Variants in RPUSD3 observed in about 807,000 individuals in gnomAD.
RPUSD3 encodes the protein mitochondrial mRNA pseudouridine synthase RPUSD3.
Under a neutral mutation model 35.1 loss-of-function variants are expected in RPUSD3, and 36 were observed. The observed-to-expected ratio is 1.02, with a 90% CI of 0.79 to 1.35. The LOEUF is 1.35. RPUSD3 is among the 40% of genes most tolerant of loss of function. RPUSD3 has a pLI of 0.00. For missense variants in RPUSD3, 486 were observed against 441.9 expected (o/e 1.10, Z -0.89); for synonymous variants, 202 against 187.8 (o/e 1.08, Z -0.62).
At chr3:9,843,906 A>G in exon 1 of RPUSD3, 1 of 1,605,850 alleles carries the variant, frequency 6.2e-7, no homozygotes, top group South Asian at 1.1e-5. Context: ...TCGGTGCCAA[A>G]GCCTGCGTCC....
At chr3:9,838,087 C>G in exon 9 of RPUSD3, 1 of 1,612,168 alleles carries the variant, frequency 6.2e-7, no homozygotes, top group Non-Finnish European at 8.5e-7. Context: ...AGGAGCTCAA[C>G]AGGGGTGTCC....
chr3:9,838,955 A>G (rs770667950), intron 8 of RPUSD3, 77 bp downstream of exon 8: 14 of 1,603,988 alleles, frequency 8.7e-6, no homozygotes, highest in Non-Finnish European at 1.2e-5. Flanking sequence ...AGCTGCACAG[A>G]TAAGGTCTGG....
chr3:9,841,863 A>G, intron 4 of RPUSD3, 120 bp downstream of exon 4: 1 of 810,688 alleles, frequency 1.2e-6, no homozygotes, highest in African/African-American at 1.7e-5. Context: ...CAGTACTTGT[A>G]TCCACCTCTA....
At chr3:9,840,777 T>G in exon 5 of RPUSD3, 1 of 1,614,086 alleles carries the variant, frequency 6.2e-7, no homozygotes, top group Admixed American at 1.7e-5. Flanking sequence ...TGGGGACAGC[T>G]GGAGAGGAGT....
chr3:9,838,952 C>CA (rs1299260490), intron 8 of RPUSD3, 80 bp downstream of exon 8: 2 of 1,600,566 alleles, frequency 1.2e-6, no homozygotes, highest in Admixed American at 1.7e-5. Context: ...CCAAGCTGCA[C>CA]AGATAAGGTC....
In RPUSD3 at chr3:9,842,077, GT is replaced by G. The variant is rs1264445591; in HGVS notation, c.312del (p.Lys104AsnfsTer5). The G allele has an allele frequency of 6.2e-7, 1 of 1,609,798 alleles. No homozygotes were observed. Among genetic ancestry groups the G allele is most frequent in the Non-Finnish European group, 8.5e-7 (1 of 1,177,076 alleles). ...ACTGAGAACAACGTCAGCTCTCCTG[GT>G]TTTCCTGGAAAGTAAGAAAGAAAAA... On this transcript the variant is annotated frameshift_variant, in exon 4 of 9. Coordinates refer to ENST00000383820, the Ensembl canonical transcript of RPUSD3. LOFTEE classifies it high-confidence loss of function.
chr3:9,842,090 G>T lies in RPUSD3; in HGVS notation c.308-8C>A, dbSNP rs771299082. 1.2e-6 allele frequency: 2 copies of T among 1,609,722 alleles called. No homozygotes were observed. The highest frequency in any genetic ancestry group is 1.7e-6 in the Non-Finnish European group (2 of 1,176,998). On this transcript the variant is annotated splice_polypyrimidine_tract_variant and splice_region_variant and intron_variant, in intron 3 of 8. Coordinates refer to ENST00000383820, the Ensembl canonical transcript of RPUSD3. The stretch of plus-strand genomic sequence containing the variant: ...TCAGCTCTCCTGGTTTTCCTGGAAA[G>T]TAAGAAAGAAAAATTACAAGAGGCC...
rs767716070 is a variant in RPUSD3 at position 9,843,790 on chromosome 3, C to A, written c.125+100G>T. The stretch of plus-strand genomic sequence containing the variant: ...GGGCACCGAGGCTCAGAGAGGCCAA[C>A]GGGGCTGTTTTCGGGTAACATCTAC... On this transcript the variant is annotated intron_variant, in intron 1 of 8. Coordinates refer to ENST00000383820, the Ensembl canonical transcript of RPUSD3. 1.9e-6 allele frequency: 3 copies of A among 1,548,324 alleles called. No homozygotes were observed. In the African/African-American group the frequency reaches 4.1e-5, roughly 21 times the overall value.
chr3:9,842,257 C>T lies in RPUSD3; in HGVS notation c.263-14G>A. On this transcript the variant is annotated splice_polypyrimidine_tract_variant and intron_variant, in intron 2 of 8. Transcript: ENST00000383820. ...TCACTAGAGGTCCTGAAACATACAT[C>T]ACACGAACATCAGCAAAAGCAACGG... 6.2e-7 allele frequency: 1 copy of T among 1,614,130 alleles called. No individual in the cohort carries two copies. The highest frequency in any genetic ancestry group is 1.1e-5 in the South Asian group (1 of 91,082).
chr3:9,843,873 AG>A lies in RPUSD3; in HGVS notation c.125+16del, dbSNP rs2082141082. On this transcript the variant is annotated intron_variant, in intron 1 of 8. Transcript: ENST00000383820. ...CCCTAGCCTCCGTCCCGCATGAGAG[AG>A]GGGGTACTTAATCACCGGGCTTCGG... 1.3e-6 allele frequency: 2 copies of A among 1,597,064 alleles called. No homozygotes were observed. The highest frequency in any genetic ancestry group is 1.7e-6 in the Non-Finnish European group (2 of 1,172,436).
intron 6 of RPUSD3, 106 bp from the exon 7 acceptor site, chr3:9,840,413 G>A: frequency 6.2e-7 from 1 of 1,600,494 alleles, no homozygotes; most frequent in Non-Finnish European, 8.6e-7. Context: ...TATAGGCAGT[G>A]GTCACTTGCC....
chr3:9,839,031 CCT>C lies in RPUSD3; in HGVS notation c.863_864del (p.Gln288ArgfsTer4), dbSNP rs1212783380. ...AGCAGCAGGCAGGTGGGCTGGAGTACCTGTCTTTGGGGCTTGTTGTTCTCAGC... is the reference window on the plus strand; with the variant it reads ...AGCAGCAGGCAGGTGGGCTGGAGTACGTCTTTGGGGCTTGTTGTTCTCAGC... On this transcript the variant is annotated frameshift_variant and splice_region_variant, in exon 8 of 9. Transcript: ENST00000383820. LOFTEE classifies it low-confidence loss of function (END_TRUNC). 3.1e-6 allele frequency: 5 copies of C among 1,614,156 alleles called. No individual in the cohort carries two copies. Among genetic ancestry groups the C allele is most frequent in the Non-Finnish European group, 4.2e-6 (5 of 1,180,004 alleles).
At chr3:9,843,827 C>G (rs2082140143) in intron 1 of RPUSD3, 63 bp downstream of exon 1, 1 of 1,557,618 alleles carries the variant, frequency 6.4e-7, no homozygotes, top group East Asian at 2.4e-5. Flanking sequence ...TGATCCAGAT[C>G]CCGCACGTGC....
chr3:9,840,556 C>T (rs1293980708), exon 6 of RPUSD3: 2 of 1,614,100 alleles, frequency 1.2e-6, no homozygotes, highest in Non-Finnish European at 8.5e-7. Flanking sequence ...CAATGTGTTC[C>T]AGTTTCAGGG....
chr3:9,840,327 T>G lies in RPUSD3; in HGVS notation c.601-20A>C. Reference sequence around the variant, plus strand: ...AACTGTCTGTGGTGCCAGCCAAGAGTGAACAAGCCTTACACAGGTCTGGGA... The same window carrying G: ...AACTGTCTGTGGTGCCAGCCAAGAGGGAACAAGCCTTACACAGGTCTGGGA... On this transcript the variant is annotated intron_variant, in intron 6 of 8. Coordinates refer to ENST00000383820, the Ensembl canonical transcript of RPUSD3. 6.2e-7 allele frequency: 1 copy of G among 1,613,724 alleles called. No individual in the cohort carries two copies. Among genetic ancestry groups the G allele is most frequent in the Non-Finnish European group, 8.5e-7 (1 of 1,179,930 alleles).
chr3:9,843,720 C>G, intron 1 of RPUSD3, 119 bp from the exon 2 acceptor site: 9 of 1,546,172 alleles, frequency 5.8e-6, no homozygotes, highest in Non-Finnish European at 6.1e-6. Context: ...AATGTCTGGG[C>G]TGACCTCGAA....
chr3:9,841,661 TG>T (rs1015268463), intron 4 of RPUSD3: 2 of 201,434 alleles, frequency 9.9e-6, no homozygotes, highest in African/African-American at 4.7e-5. Context: ...TTTCCAGAGA[TG>T]GGGTCTATTT....
exon 9 of RPUSD3, chr3:9,838,157 A>G: frequency 6.2e-7 from 1 of 1,612,212 alleles, no homozygotes; most frequent in Non-Finnish European, 8.5e-7. Flanking sequence ...GCAGCTGGGC[A>G]GCCTGGGAGG....
Position 9,838,144 on chromosome 3 carries a change from A to AGGGCAGCT in RPUSD3, c.920_927dup (p.Leu310SerfsTer60). On this transcript the variant is annotated frameshift_variant, in exon 9 of 9. Coordinates refer to ENST00000383820, the Ensembl canonical transcript of RPUSD3. LOFTEE classifies it high-confidence loss of function. ...AGGAGCCGATGTAGGTGGAGGTGCA[A>AGGGCAGCT]GGGCAGCTGGGCAGCCTGGGAGGGG... 1 of 1,612,240 alleles carries AGGGCAGCT rather than the reference A, an allele frequency of 6.2e-7. No individual in the cohort carries two copies. Among genetic ancestry groups the AGGGCAGCT allele is most frequent in the South Asian group, 1.1e-5 (1 of 90,984 alleles).
Sources: allele counts gnomAD v4.1 joint callset, GRCh38; gene constraint gnomAD v4.1.1; transcripts MANE v1.5; gene names NCBI Gene and HGNC (gene_info 2026-07-23, HGNC 2026-07-21).